Variants in ZBTB20 observed in about 807,000 individuals in gnomAD.
ZBTB20 encodes zinc finger and BTB domain containing 20.
In ZBTB20, 9 loss-of-function variants were observed where a neutral mutation model predicts 56.9. The ratio of observed to expected loss-of-function variants is 0.16; its 90% CI spans 0.10 to 0.28. The LOEUF (loss-of-function observed/expected upper bound fraction) is 0.28, where lower values mean the gene tolerates loss of function less well. Ranked by LOEUF, ZBTB20 falls within the 10% of genes least tolerant of loss-of-function variation. The pLI, the probability that ZBTB20 is intolerant of heterozygous loss-of-function variation, is 1.00. For synonymous variants in ZBTB20, 417 were observed against 420.7 expected, an observed-to-expected ratio of 0.99 and a Z score of 0.11; for missense variants, 655 against 1,003.0, an observed-to-expected ratio of 0.65 and a Z score of 4.69.
At chr3:114,786,825 T>A (rs1578862423) in intron 5 of ZBTB20, among the ~76,000 whole-genome samples, 1 of 152,056 alleles carries the variant, frequency 6.6e-6, no homozygotes, top group Non-Finnish European at 1.5e-5. Flanking sequence ...CTACTGAAAC[T>A]CTTATACATT....
intron 6 of ZBTB20, among the ~76,000 whole-genome samples, chr3:114,616,164 A>G (rs2107724523): frequency 6.6e-6 from 1 of 152,342 alleles, no homozygotes; most frequent in Admixed American, 6.5e-5. Flanking sequence ...TCAAAGCACT[A>G]TCGATTTCAA....
intron 4 of ZBTB20, among the ~76,000 whole-genome samples, chr3:114,812,799 G>T (rs1383071149): frequency 6.6e-6 from 1 of 152,216 alleles, no homozygotes; most frequent in Admixed American, 6.5e-5. Context: ...GTAGGTCGGG[G>T]GAGGCTCAGG....
chr3:114,714,178 T>C (rs539484093), intron 5 of ZBTB20, among the ~76,000 whole-genome samples: 5 of 152,246 alleles, frequency 3.3e-5, no homozygotes, highest in Non-Finnish European at 7.3e-5. Flanking sequence ...AAGTGATTAA[T>C]CAAAATCTGA....
At chr3:114,961,697 C>T (rs754964649) in intron 3 of ZBTB20, among the ~76,000 whole-genome samples, 4 of 152,018 alleles carry the variant, frequency 2.6e-5, no homozygotes, top group Non-Finnish European at 4.4e-5. Flanking sequence ...TAAGAGCTTC[C>T]CAAAATGTCA....
chr3:114,571,866 C>T (rs924807813), intron 6 of ZBTB20, among the ~76,000 whole-genome samples: 2 of 152,186 alleles, frequency 1.3e-5, no homozygotes, highest in African/African-American at 2.4e-5. Flanking sequence ...CCTGAAAGCA[C>T]TGGCATATGC....
chr3:114,503,281 G>T (rs916515434), intron 6 of ZBTB20, among the ~76,000 whole-genome samples: 1 of 152,026 alleles, frequency 6.6e-6, no homozygotes, highest in Non-Finnish European at 1.5e-5. Flanking sequence ...AAGTTTTATT[G>T]GATATAATTG....
At chr3:115,130,311 T>A (rs2084466957) in intron 1 of ZBTB20, among the ~76,000 whole-genome samples, 1 of 152,224 alleles carries the variant, frequency 6.6e-6, no homozygotes, top group Admixed American at 6.5e-5. Context: ...TATTTATCAA[T>A]CAACTTCTAT....
intron 2 of ZBTB20, among the ~76,000 whole-genome samples, chr3:115,070,980 T>A (rs1434630177): frequency 2.0e-5 from 3 of 150,190 alleles, no homozygotes; most frequent in Non-Finnish European, 4.4e-5. Context: ...AGCTATAGTA[T>A]CCTTTTCTGA....
intron 7 of ZBTB20, among the ~76,000 whole-genome samples, chr3:114,460,904 T>C (rs2092299302): frequency 6.6e-6 from 1 of 152,228 alleles, no homozygotes; most frequent in Non-Finnish European, 1.5e-5. Flanking sequence ...CAGAAAAATA[T>C]TGACTAGGAT....
intron 5 of ZBTB20, among the ~76,000 whole-genome samples, chr3:114,795,573 AC>A (rs2071289471): frequency 6.6e-6 from 1 of 151,902 alleles, no homozygotes; most frequent in Non-Finnish European, 1.5e-5. Context: ...CAAATTCTTC[AC>A]CTGGCTGATA....
intron 7 of ZBTB20, among the ~76,000 whole-genome samples, chr3:114,443,620 T>C (rs1444438636): frequency 7.2e-5 from 11 of 152,158 alleles, no homozygotes; most frequent in African/African-American, 1.9e-4. Flanking sequence ...ACAAAAATCA[T>C]TGTGTTCATT....
chr3:114,535,953 T>C (rs978244917), intron 6 of ZBTB20, among the ~76,000 whole-genome samples: 4 of 152,292 alleles, frequency 2.6e-5, no homozygotes, highest in African/African-American at 9.6e-5. Context: ...AACACCGCTT[T>C]ATGCTAAAAT....
chr3:114,339,161 G>A lies in ZBTB20; in HGVS notation c.2070C>T (p.Thr690=). 2 of 1,614,094 alleles carry A rather than the reference G, an allele frequency of 1.2e-6. No homozygotes were observed. Among genetic ancestry groups the A allele is most frequent in the Middle Eastern group, 1.6e-4 (1 of 6,062 alleles). Residue 690 remains threonine (T), a synonymous_variant, in exon 12 of 12, where the codon ACC becomes ACT. Transcript: ENST00000675478. The surrounding 1 kb of genome is among the most constrained non-coding windows in gnomAD (Gnocchi z 4.2). ...HVALHSASNG[T]PPAGTPPGAR... ...CACCTGGGGGTGTGCCTGCAGGGGG[G>A]GTCCCATTGCTGGCACTGTGCAGGG...
intron 6 of ZBTB20, among the ~76,000 whole-genome samples, chr3:114,524,331 C>A (rs2046975388): frequency 6.6e-6 from 1 of 152,046 alleles, no homozygotes; most frequent in African/African-American, 2.4e-5. Flanking sequence ...GAAATGTAGC[C>A]ATGGGAATGA....
intron 1 of ZBTB20, among the ~76,000 whole-genome samples, chr3:115,140,295 G>C (rs2084775737): frequency 6.6e-6 from 1 of 152,012 alleles, no homozygotes; most frequent in Non-Finnish European, 1.5e-5. Flanking sequence ...TAATATATGA[G>C]AGATTGAAAA....
At chr3:114,614,421 GTC>G (rs1388603381) in intron 6 of ZBTB20, among the ~76,000 whole-genome samples, 1 of 152,178 alleles carries the variant, frequency 6.6e-6, no homozygotes, top group African/African-American at 2.4e-5. Flanking sequence ...AAAAAGTTTA[GTC>G]TCAGCCTGGT....
At chr3:115,080,910 T>C (rs1464958045) in intron 1 of ZBTB20, among the ~76,000 whole-genome samples, 2 of 152,128 alleles carry the variant, frequency 1.3e-5, no homozygotes, top group Admixed American at 1.3e-4. Context: ...TAAAAACAAG[T>C]TATAAAGCTT....
intron 4 of ZBTB20, among the ~76,000 whole-genome samples, chr3:114,818,263 C>A (rs533377762): frequency 6.6e-6 from 1 of 152,054 alleles, no homozygotes; most frequent in Non-Finnish European, 1.5e-5. Flanking sequence ...TACATTTAAA[C>A]AATTTTAAAA....
chr3:114,997,050 TC>T lies in ZBTB20; in HGVS notation c.-506-22635del, dbSNP rs565666334. Among the ~76,000 whole-genome samples the T allele has an allele frequency of 2.5e-3, 382 of 151,994 alleles. 2 individuals carry two copies. The highest frequency in any genetic ancestry group is 4.3e-3 in the Non-Finnish European group (292 of 67,904). On this transcript the variant is annotated intron_variant, in intron 2 of 11. Transcript: ENST00000675478. Reference sequence around the variant, plus strand: ...CCTGTTGGTGGGAGTGTAAATTAGTTCAACCATTGTGGAAGACAGTGTGGCA... The same window carrying T: ...CCTGTTGGTGGGAGTGTAAATTAGTTAACCATTGTGGAAGACAGTGTGGCA...
Sources: gnomAD v4.1 joint callset for allele counts (sites outside exome capture counted in the v4.1 genomes callset) on GRCh38, gnomAD v4.1.1 for gene constraint, Gnocchi (gnomAD v3.1) non-coding constraint, MANE v1.5 for transcripts, NCBI Gene and HGNC (gene_info 2026-07-23, HGNC 2026-07-21) for gene names.